SLC9A9: variants seen among roughly 807,000 people sequenced by gnomAD.
SLC9A9 encodes the protein sodium/hydrogen exchanger 9.
A neutral mutation model predicts 77.8 loss-of-function variants in SLC9A9; 62 were observed. The observed-to-expected ratio is 0.80, with a 90% CI of 0.65 to 0.98. The LOEUF is 0.98. Among genes scored for constraint, SLC9A9 ranks in the 50% least tolerant of loss-of-function variants. The probability of loss-of-function intolerance (pLI) is 0.00; values close to 1 mark genes in which losing one functional copy is unlikely to be tolerated. For missense variants in SLC9A9, 775 were observed against 774.9 expected (o/e 1.00, Z 0.00); for synonymous variants, 320 against 283.5 (o/e 1.13, Z -1.29).
intron 5 of SLC9A9, among the ~76,000 whole-genome samples, chr3:143,688,321 C>A (rs1560032040): frequency 6.6e-6 from 1 of 151,902 alleles, no homozygotes; most frequent in Non-Finnish European, 1.5e-5. Flanking sequence ...CATCACCTGC[C>A]ACGGAAGGAG....
chr3:143,288,662 G>C (rs1206115248), intron 14 of SLC9A9, among the ~76,000 whole-genome samples: 9 of 152,152 alleles, frequency 5.9e-5, no homozygotes. Flanking sequence ...CTACCAAGCA[G>C]AGCCCTATTG....
At chr3:143,579,288 C>G (rs137879068) in intron 6 of SLC9A9, among the ~76,000 whole-genome samples, 4 of 152,262 alleles carry the variant, frequency 2.6e-5, no homozygotes, top group African/African-American at 9.6e-5. Context: ...CATGGAGAGA[C>G]AAAACCCTCA....
At chr3:143,641,367 A>ATT (rs1415561042) in intron 6 of SLC9A9, among the ~76,000 whole-genome samples, 2 of 144,574 alleles carry the variant, frequency 1.4e-5, no homozygotes, top group Non-Finnish European at 3.0e-5. Flanking sequence ...ATTAAAAAGA[A>ATT]TTATCTGTTG....
intron 5 of SLC9A9, chr3:143,655,399 T>C (rs1470338507): frequency 2.2e-6 from 2 of 892,216 alleles, no homozygotes; most frequent in Non-Finnish European, 1.3e-6. Context: ...GAAAACACTC[T>C]GGACATCGTG....
Position 143,567,029 on chromosome 3 carries a change from T to A in SLC9A9, c.1000+7059A>T, listed in dbSNP as rs115464487. Among the ~76,000 whole-genome samples, 1,457 of 152,218 alleles carry A rather than the reference T, an allele frequency of 9.6e-3. 28 individuals carry two copies. The highest frequency in any genetic ancestry group is 0.033 in the African/African-American group (1,383 of 41,530). On this transcript the variant is annotated intron_variant, in intron 8 of 15. Coordinates refer to ENST00000316549, the MANE Select transcript of SLC9A9 (RefSeq NM_173653.4). ...AGTATTTTCAATATTCATTTAAAAATAATGGCTCAGTAACCTAATGACTTT... is the reference window on the plus strand; with the variant it reads ...AGTATTTTCAATATTCATTTAAAAAAAATGGCTCAGTAACCTAATGACTTT...
chr3:143,417,536 G>A (rs2034218399), intron 12 of SLC9A9, among the ~76,000 whole-genome samples: 1 of 151,170 alleles, frequency 6.6e-6, no homozygotes. Context: ...GAGGGAAAAA[G>A]GGATGGATGG....
chr3:143,844,771 TTCTTTCTTTC>T (rs2009795746), intron 1 of SLC9A9, among the ~76,000 whole-genome samples: 1 of 136,156 alleles, frequency 7.3e-6, no homozygotes, highest in African/African-American at 2.8e-5. Flanking sequence ...CTTTCTTTCT[TTCTTTCTTTC>T]TTTCTTTCTG....
At chr3:143,686,125 A>G (rs935519) in intron 5 of SLC9A9, among the ~76,000 whole-genome samples, 114,579 of 151,358 alleles carry the variant, frequency 0.76, 44,377 homozygotes, top group East Asian at 0.88. Flanking sequence ...ATACTCAACT[A>G]CTTCACATTT....
intron 14 of SLC9A9, among the ~76,000 whole-genome samples, chr3:143,274,587 G>A (rs1937991990): frequency 6.6e-6 from 1 of 152,108 alleles, no homozygotes; most frequent in Non-Finnish European, 1.5e-5. Flanking sequence ...ACTGACTCTG[G>A]AGTTGAAAAA....
At chr3:143,680,992 A>G (rs1246058933) in intron 5 of SLC9A9, among the ~76,000 whole-genome samples, 10 of 152,176 alleles carry the variant, frequency 6.6e-5, no homozygotes, top group Admixed American at 1.3e-4. Context: ...CTGAAATGCT[A>G]CCTTGAACTA....
intron 14 of SLC9A9, among the ~76,000 whole-genome samples, chr3:143,284,404 ATTT>A (rs36119351): frequency 7.3e-6 from 1 of 136,840 alleles, no homozygotes. Context: ...GGCCCTTTCT[ATTT>A]TTTTTTTTTT....
intron 11 of SLC9A9, among the ~76,000 whole-genome samples, chr3:143,486,149 A>AAAAAAC (rs1157705639): frequency 2.6e-5 from 4 of 152,292 alleles, no homozygotes; most frequent in South Asian, 2.1e-4. Flanking sequence ...AGAAAAAAAT[A>AAAAAAC]AAAAACAAAA....
At chr3:143,340,671 T>C (rs887707961) in intron 14 of SLC9A9, among the ~76,000 whole-genome samples, 3 of 152,204 alleles carry the variant, frequency 2.0e-5, no homozygotes, top group Admixed American at 6.5e-5. Flanking sequence ...CTATCTTAGA[T>C]GCAATCATAT....
Position 143,578,583 on chromosome 3 carries a change from A to G in SLC9A9, c.894+2T>C. ...AGCTTTCCACATACAGACAAAGGAT[A>G]TCAGTGCTGTGATGATGGCATACGC... On this transcript the variant is annotated splice_donor_variant, in intron 7 of 15. Transcript: ENST00000316549. LOFTEE classifies it high-confidence loss of function. 6.2e-7 allele frequency: 1 copy of G among 1,613,896 alleles called. No homozygotes were observed. The highest frequency in any genetic ancestry group is 8.5e-7 in the Non-Finnish European group (1 of 1,179,816).
intron 12 of SLC9A9, among the ~76,000 whole-genome samples, chr3:143,453,047 G>A (rs1559923500): frequency 1.3e-5 from 2 of 152,004 alleles, no homozygotes; most frequent in Non-Finnish European, 2.9e-5. Context: ...TGCGAAGTGA[G>A]CAATTTATTA....
At chr3:143,529,041 G>T (rs893553602) in intron 9 of SLC9A9, among the ~76,000 whole-genome samples, 1 of 152,170 alleles carries the variant, frequency 6.6e-6, no homozygotes, top group Non-Finnish European at 1.5e-5. Flanking sequence ...GGACAGTGCC[G>T]GTGCCATGTG....
intron 14 of SLC9A9, among the ~76,000 whole-genome samples, chr3:143,325,558 G>A (rs1334369067): frequency 1.3e-5 from 2 of 152,166 alleles, no homozygotes; most frequent in African/African-American, 4.8e-5. Context: ...ACACCACATG[G>A]GCAAATCCAG....
At chr3:143,827,886 C>T (rs1418828877) in intron 2 of SLC9A9, among the ~76,000 whole-genome samples, 1 of 152,202 alleles carries the variant, frequency 6.6e-6, no homozygotes, top group Non-Finnish European at 1.5e-5. Context: ...TTCTGTGACT[C>T]TGCTGAGCCG....
chr3:143,481,390 C>G (rs564254352), intron 11 of SLC9A9, among the ~76,000 whole-genome samples: 1 of 152,062 alleles, frequency 6.6e-6, no homozygotes, highest in Non-Finnish European at 1.5e-5. Context: ...GGAAAGGGTT[C>G]CAGGCATAAG....
Sources: allele counts gnomAD v4.1 joint callset (sites outside exome capture counted in the v4.1 genomes callset), GRCh38; gene constraint gnomAD v4.1.1; transcripts MANE v1.5; gene names NCBI Gene and HGNC (gene_info 2026-07-23, HGNC 2026-07-21).